UGT2B7: variants seen among roughly 807,000 people sequenced by gnomAD.
UGT2B7 encodes UDP-glucuronosyltransferase 2B7.
UGT2B7 carries 51 observed loss-of-function variants against 51.9 expected under a neutral mutation model. The observed-to-expected ratio is 0.98, with a 90% CI of 0.78 to 1.24. UGT2B7 has a LOEUF of 1.24. Among genes scored for constraint, UGT2B7 ranks in the 50% most tolerant of loss-of-function variants. The pLI is 0.00. For missense variants in UGT2B7, 727 were observed against 628.4 expected, an observed-to-expected ratio of 1.16 and a Z score of -1.68; for synonymous variants, 225 against 211.6, an observed-to-expected ratio of 1.06 and a Z score of -0.55.
chr4:69,072,219 A>G (rs889090797), intron 1 of UGT2B7, among the ~76,000 whole-genome samples: 1 of 152,108 alleles, frequency 6.6e-6, no homozygotes, highest in Non-Finnish European at 1.5e-5. Flanking sequence ...TTTCTTTGAG[A>G]TTGATTCTAA....
At chr4:69,106,115 CTTTTA>C (rs561404349) in intron 3 of UGT2B7, among the ~76,000 whole-genome samples, 2 of 151,728 alleles carry the variant, frequency 1.3e-5, no homozygotes, top group Non-Finnish European at 2.9e-5. Flanking sequence ...TTATTTGTAA[CTTTTA>C]TTTTAAGTTC....
chr4:69,112,359 C>CTT (rs1719798584), intron 5 of UGT2B7, 98 bp from the exon 6 acceptor site: 2 of 1,474,864 alleles, frequency 1.4e-6, no homozygotes, highest in Non-Finnish European at 1.8e-6. Flanking sequence ...TGCCGATGCT[C>CTT]CCAGCCGAAT....
rs572281572 is a variant in UGT2B7, at chr4:69,102,815, A to G, written c.879A>G (p.Glu293=). Residue 293 remains glutamate (E), a synonymous_variant, in exon 3 of 6, where the codon GAA becomes GAG. Coordinates refer to ENST00000305231, the MANE Select transcript of UGT2B7 (RefSeq NM_001074.4). ...AAATTCTTTCTTCACAGGAAATGGA[A>G]GACTTTGTACAGAGCTCTGGAGAAA... The part of the protein sequence containing the change: ...KPAKPLPKEM[E]DFVQSSGENG... The G allele has an allele frequency of 1.2e-6, 2 of 1,612,326 alleles. No individual in the cohort carries two copies. Among genetic ancestry groups the G allele is most frequent in the South Asian group, 1.1e-5 (1 of 90,878 alleles).
intron 1 of UGT2B7, among the ~76,000 whole-genome samples, chr4:69,078,007 A>G (rs1025128388): frequency 6.6e-6 from 1 of 152,086 alleles, no homozygotes; most frequent in South Asian, 2.1e-4. Context: ...GAATTTTGTC[A>G]ATGGCCCTTT....
intron 1 of UGT2B7, among the ~76,000 whole-genome samples, chr4:69,069,305 A>G (rs1403622105): frequency 6.6e-6 from 1 of 151,850 alleles, no homozygotes; most frequent in Non-Finnish European, 1.5e-5. Context: ...TTATTTTGAA[A>G]CTTGTATGCC....
intron 5 of UGT2B7, among the ~76,000 whole-genome samples, chr4:69,111,552 G>C (rs1254256228): frequency 6.6e-6 from 1 of 152,126 alleles, no homozygotes. Context: ...CCGTATGTCT[G>C]TTTGAGAACT....
chr4:69,052,276 C>G (rs1229869054), intron 1 of UGT2B7, among the ~76,000 whole-genome samples: 1 of 151,740 alleles, frequency 6.6e-6, no homozygotes, highest in Non-Finnish European at 1.5e-5. Context: ...CCTTCCCCCC[C>G]AACAGTAGTT....
intron 1 of UGT2B7, among the ~76,000 whole-genome samples, chr4:69,052,970 C>A (rs1718076284): frequency 6.6e-6 from 1 of 152,092 alleles, no homozygotes; most frequent in African/African-American, 2.4e-5. Context: ...AAAGAAAAGT[C>A]TGTGTGTAAA....
chr4:69,090,341 C>T (rs542849078), intron 2 of UGT2B7, among the ~76,000 whole-genome samples: 16 of 152,130 alleles, frequency 1.1e-4, no homozygotes, highest in Admixed American at 7.9e-4. Flanking sequence ...TCTATGTATT[C>T]CTATGTTTTC....
chr4:69,106,696 A>T (rs4356974), intron 3 of UGT2B7, among the ~76,000 whole-genome samples: 89,796 of 151,962 alleles, frequency 0.59, 27,900 homozygotes, highest in African/African-American at 0.77. Context: ...ATGGTTGAAC[A>T]AACTTACATT....
chr4:69,057,024 A>G (rs1387044780), intron 1 of UGT2B7, among the ~76,000 whole-genome samples: 2 of 152,234 alleles, frequency 1.3e-5, no homozygotes, highest in Non-Finnish European at 2.9e-5. Flanking sequence ...AAATCAACTC[A>G]TGACTTAGAA....
intron 3 of UGT2B7, among the ~76,000 whole-genome samples, chr4:69,103,250 A>G (rs192310768): frequency 1.3e-5 from 2 of 152,266 alleles, no homozygotes; most frequent in East Asian, 3.9e-4. Context: ...TGTGATCTAC[A>G]TAGAAAGAAT....
chr4:69,098,181 CAA>C (rs1028943519), intron 1 of UGT2B7, among the ~76,000 whole-genome samples: 5 of 151,856 alleles, frequency 3.3e-5, no homozygotes, highest in Middle Eastern at 3.4e-3. Flanking sequence ...TTATGGAGCT[CAA>C]AGAGTTGTTT....
At chr4:69,107,078 A>T (rs1719622336) in intron 3 of UGT2B7, 97 bp from the exon 4 acceptor site, 3 of 1,310,666 alleles carry the variant, frequency 2.3e-6, no homozygotes, top group Non-Finnish European at 3.2e-6. Flanking sequence ...TTATTTACTA[A>T]CATCCCTTGA....
chr4:69,099,517 G>A (rs761611351), intron 2 of UGT2B7, among the ~76,000 whole-genome samples: 2 of 152,018 alleles, frequency 1.3e-5, no homozygotes, highest in African/African-American at 2.4e-5. Context: ...AGGAGGGCCA[G>A]ACTGTAAAGA....
intron 1 of UGT2B7, among the ~76,000 whole-genome samples, chr4:69,061,686 G>A (rs1292469805): frequency 6.6e-6 from 1 of 152,194 alleles, no homozygotes; most frequent in East Asian, 1.9e-4. Flanking sequence ...GACATGATTA[G>A]GGTGTCATTT....
intron 3 of UGT2B7, among the ~76,000 whole-genome samples, chr4:69,103,147 G>C (rs1259820823): frequency 1.3e-5 from 2 of 151,904 alleles, no homozygotes; most frequent in African/African-American, 4.8e-5. Flanking sequence ...ATTCCCCTAT[G>C]TAAATATGCT....
intron 1 of UGT2B7, among the ~76,000 whole-genome samples, chr4:69,059,515 G>A (rs1023619341): frequency 6.6e-6 from 1 of 152,098 alleles, no homozygotes; most frequent in African/African-American, 2.4e-5. Context: ...GAGGCTATAT[G>A]CAAAAAAGAC....
At chr4:69,066,806 A>C (rs1250420596) in intron 1 of UGT2B7, among the ~76,000 whole-genome samples, 1 of 152,062 alleles carries the variant, frequency 6.6e-6, no homozygotes, top group Non-Finnish European at 1.5e-5. Context: ...CATTACACCT[A>C]CCCTTCCTCC....
Sources: allele counts gnomAD v4.1 joint callset (sites outside exome capture counted in the v4.1 genomes callset), GRCh38; gene constraint gnomAD v4.1.1; transcripts MANE v1.5; gene names NCBI Gene and HGNC (gene_info 2026-07-23, HGNC 2026-07-21).